DGAT2: variants seen among roughly 807,000 people sequenced by gnomAD.
The protein encoded by DGAT2 is diacylglycerol O-acyltransferase 2, also known as acyl-CoA retinol O-fatty-acyltransferase.
DGAT2 carries 33 observed loss-of-function variants against 48.4 expected under a neutral mutation model. The ratio of observed to expected loss-of-function variants is 0.68; its 90% confidence interval spans 0.52 to 0.91. The LOEUF (loss-of-function observed/expected upper bound fraction) is 0.91, where lower values mean the gene tolerates loss of function less well. DGAT2 is among the 40% of genes least tolerant of loss of function. DGAT2 has a pLI of 0.00. For synonymous variants in DGAT2, 191 were observed against 194.1 expected, an observed-to-expected ratio of 0.98 and a Z score of 0.13; for missense variants, 446 against 493.7, an observed-to-expected ratio of 0.90 and a Z score of 0.92.
intron 7 of DGAT2, among the ~76,000 whole-genome samples, chr11:75,798,878 C>G (rs1212588033): frequency 6.6e-6 from 1 of 152,122 alleles, no homozygotes; most frequent in Non-Finnish European, 1.5e-5. Flanking sequence ...ACGTGAAGTT[C>G]AGAAGCAAGA....
At chr11:75,778,560 C>T (rs1944825968) in intron 1 of DGAT2, among the ~76,000 whole-genome samples, 2 of 152,250 alleles carry the variant, frequency 1.3e-5, no homozygotes, top group South Asian at 2.1e-4. Context: ...CCTGGCTGGG[C>T]GTGGTGGCTC....
chr11:75,769,972 C>A (rs182192219), intron 1 of DGAT2, among the ~76,000 whole-genome samples: 4 of 152,184 alleles, frequency 2.6e-5, no homozygotes, highest in African/African-American at 9.6e-5. Context: ...CTAACGGTCG[C>A]CTACACCGCC....
chr11:75,785,788 T>C (rs1362874775), intron 2 of DGAT2, among the ~76,000 whole-genome samples: 2 of 152,202 alleles, frequency 1.3e-5, no homozygotes, highest in East Asian at 3.9e-4. Flanking sequence ...GGCAGGTGCA[T>C]GGGGCGCTCT....
rs60537014 is a variant in DGAT2, at chr11:75,775,689, C to G, written c.121+6577C>G. 4.7e-3 allele frequency among the ~76,000 whole-genome samples: 719 copies of G among 152,326 alleles called. 3 individuals are homozygous for G. The highest frequency in any genetic ancestry group is 0.016 in the African/African-American group (680 of 41,578). On this transcript the variant is annotated intron_variant, in intron 1 of 7. Coordinates refer to ENST00000228027, the MANE Select transcript of DGAT2 (RefSeq NM_032564.5). ...TCCAACTAGACTCACAGTCTCTGTG[C>G]TGCAGTCTGACTAAACTGCTTGCAG...
intron 1 of DGAT2, among the ~76,000 whole-genome samples, chr11:75,772,096 T>G (rs898142719): frequency 1.3e-5 from 2 of 152,208 alleles, no homozygotes; most frequent in African/African-American, 4.8e-5. Context: ...CGTGAAGGGC[T>G]GAGTGCAGGG....
Position 75,798,354 on chromosome 11 carries a change from A to C in DGAT2, c.937A>C (p.Ile313Leu). The C allele has an allele frequency of 1.9e-6, 3 of 1,614,132 alleles. No homozygotes were observed. Among genetic ancestry groups the C allele is most frequent in the Non-Finnish European group, 2.5e-6 (3 of 1,180,022 alleles). ...GAAATACATTGGTTTCGCCCCATGC[A>C]TCTTCCATGGTCGAGGCCTCTTCTC... ...FQKYIGFAPC[I>L]FHGRGLFSSD... is the part of the protein sequence containing the mutation. Residue 313 changes from isoleucine to leucine, a missense_variant, in exon 7 of 8, where the codon ATC becomes CTC. Physicochemically the swap from Ile to Leu is conservative, Grantham distance 5 (BLOSUM62 2). Coordinates refer to ENST00000228027, the MANE Select transcript of DGAT2 (RefSeq NM_032564.5).
intron 1 of DGAT2, 128 bp downstream of exon 1, chr11:75,769,240 C>T: frequency 8.3e-7 from 1 of 1,201,026 alleles, no homozygotes; most frequent in Non-Finnish European, 1.1e-6. Flanking sequence ...TTTTTACGAC[C>T]TCTGTTACAT....
At chr11:75,793,730 G>C (rs1270146051) in intron 4 of DGAT2, 1 of 152,238 alleles carries the variant, frequency 6.6e-6, no homozygotes, top group Non-Finnish European at 1.5e-5. Flanking sequence ...AACTATCCCA[G>C]GCCTGGCCAT....
chr11:75,800,631 C>T lies in DGAT2; in HGVS notation c.*123C>T. On this transcript the variant is annotated 3_prime_UTR_variant, in exon 8 of 8. Coordinates refer to ENST00000228027, the MANE Select transcript of DGAT2 (RefSeq NM_032564.5). ...AAGAAATTATAACAATTTTGCTAAA[C>T]CATTACAATGTTAGGTCTTTTTTAA... The T allele has an allele frequency of 8.2e-7, 1 of 1,214,248 alleles. No individual in the cohort carries two copies. Among genetic ancestry groups the T allele is most frequent in the Non-Finnish European group, 1.1e-6 (1 of 889,308 alleles). The allele number at this position is 1,214,248 out of a possible 1,614,324, so 75.2% of individuals were successfully genotyped here.
At chr11:75,797,999 T>A (rs1242593473) in intron 6 of DGAT2, among the ~76,000 whole-genome samples, 2 of 152,130 alleles carry the variant, frequency 1.3e-5, no homozygotes, top group African/African-American at 4.8e-5. Flanking sequence ...AGCCTTCCCT[T>A]TGCCTGGGGG....
chr11:75,769,863 T>C (rs538124332), intron 1 of DGAT2, among the ~76,000 whole-genome samples: 5 of 152,258 alleles, frequency 3.3e-5, no homozygotes, highest in Admixed American at 6.5e-5. Flanking sequence ...ATCACAGCTG[T>C]CCTGGTCTGC....
intron 4 of DGAT2, among the ~76,000 whole-genome samples, chr11:75,790,964 A>T (rs1944982992): frequency 6.6e-6 from 1 of 152,212 alleles, no homozygotes; most frequent in Non-Finnish European, 1.5e-5. Flanking sequence ...TTTCAGTCTC[A>T]GCTCTGTCTG....
At chr11:75,791,993 G>A (rs1248351671) in intron 4 of DGAT2, among the ~76,000 whole-genome samples, 2 of 152,222 alleles carry the variant, frequency 1.3e-5, no homozygotes, top group African/African-American at 2.4e-5. Flanking sequence ...GGGTGGGAGT[G>A]ATGATAGACT....
chr11:75,790,697 T>A lies in DGAT2; in HGVS notation c.395T>A (p.Val132Glu). 6.2e-7 allele frequency: 1 copy of A among 1,614,126 alleles called. No individual in the cohort carries two copies. The highest frequency in any genetic ancestry group is 1.1e-5 in the South Asian group (1 of 91,076). Residue 132 changes from valine to glutamate, a missense_variant, in exon 4 of 8, where the codon GTG becomes GAG. Transcript: ENST00000228027. ...TCACAGTGGGTCCGAAACTGGGCTG[T>A]GTGGCGCTACTTTCGAGACTACTTT... ...RRSQWVRNWA[V>E]WRYFRDYFPI...
At chr11:75,778,680 A>G (rs1428190249) in intron 1 of DGAT2, among the ~76,000 whole-genome samples, 2 of 151,910 alleles carry the variant, frequency 1.3e-5, no homozygotes, top group Non-Finnish European at 2.9e-5. Context: ...CAAAAATACA[A>G]ATAATTAGCC....
chr11:75,799,462 G>C (rs1945089048), intron 7 of DGAT2, among the ~76,000 whole-genome samples: 1 of 152,168 alleles, frequency 6.6e-6, no homozygotes, highest in Admixed American at 6.5e-5. Context: ...GAAGAGATGT[G>C]CATGATTTGG....
Position 75,768,938 on chromosome 11 carries a change from G to A in DGAT2, c.-54G>A, listed in dbSNP as rs929454305. ...GCCCCGGGGGCCGGGGCATGGGCCA[G>A]GGGCGCGGGGTGAAGCGGCTTCCCG... On this transcript the variant is annotated 5_prime_UTR_variant, in exon 1 of 8. Transcript: ENST00000228027. 3 of 1,417,190 alleles carry A rather than the reference G, an allele frequency of 2.1e-6. No homozygotes were observed. The African/African-American group carries it at 4.5e-5, about 21-fold the overall frequency. The allele number at this position is 1,417,190 out of a possible 1,614,324, so 87.8% of individuals were successfully genotyped here.
chr11:75,778,402 C>T (rs1338211443), intron 1 of DGAT2, among the ~76,000 whole-genome samples: 1 of 152,182 alleles, frequency 6.6e-6, no homozygotes, highest in Admixed American at 6.5e-5. Flanking sequence ...GTAACACAGA[C>T]CTGTGGCCAT....
chr11:75,796,505 G>A lies in DGAT2; in HGVS notation c.607G>A (p.Val203Met), dbSNP rs768347995. ...ACTGGCAGGCAACTTCCGAATGCCTGTGTTGAGGGAGTACCTGATGTCTGG... is the reference window on the plus strand; with the variant it reads ...ACTGGCAGGCAACTTCCGAATGCCTATGTTGAGGGAGTACCTGATGTCTGG... ...ATLAGNFRMP[V>M]LREYLMSGGI... Residue 203 changes from valine to methionine, a missense_variant, in exon 5 of 8, where the codon GTG (valine) becomes ATG (methionine). Coordinates refer to ENST00000228027, the MANE Select transcript of DGAT2 (RefSeq NM_032564.5). The A allele has an allele frequency of 6.2e-7, 1 of 1,613,122 alleles. No homozygotes were observed. The highest frequency in any genetic ancestry group is 1.1e-5 in the South Asian group (1 of 91,032).
Sources: allele counts gnomAD v4.1 joint callset (sites outside exome capture counted in the v4.1 genomes callset), GRCh38; gene constraint gnomAD v4.1.1; transcripts MANE v1.5; gene names NCBI Gene and HGNC (gene_info 2026-07-23, HGNC 2026-07-21).